GET3: variants seen among roughly 807,000 people sequenced by gnomAD.
GET3 encodes guided entry of tail-anchored proteins factor 3, ATPase.
Under a neutral mutation model 32.4 loss-of-function variants are expected in GET3, and 15 were observed. That is an observed-to-expected ratio of 0.46 (90% CI 0.31 to 0.71). The LOEUF (loss-of-function observed/expected upper bound fraction) is 0.71, where lower values mean the gene tolerates loss of function less well. Ranked by LOEUF, GET3 falls within the 30% of genes least tolerant of loss-of-function variation. The pLI, the probability that GET3 is intolerant of heterozygous loss-of-function variation, is 0.05. For missense variants in GET3, 333 were observed against 459.0 expected (o/e 0.73, Z 2.51); for synonymous variants, 198 against 185.6 (o/e 1.07, Z -0.54).
Position 12,737,580 on chromosome 19 carries a change from G to A in GET3, c.75G>A (p.Glu25=), listed in dbSNP as rs770436336. The stretch of plus-strand genomic sequence containing the variant: ...ATGCTCCTGATGTGGAGCCGCTGGA[G>A]CCTACACTTAGCAACATCATCGAGC... ...FEDAPDVEPL[E]PTLSNIIEQR... The change falls in exon 1 of 7, where the codon GAG becomes GAA. Residue 25 remains glutamate (E), a synonymous_variant. Coordinates refer to ENST00000357332, the MANE Select transcript of GET3 (RefSeq NM_004317.4). 1 of 1,612,058 alleles carries A rather than the reference G, an allele frequency of 6.2e-7. No homozygotes were observed. Among genetic ancestry groups the A allele is most frequent in the Non-Finnish European group, 8.5e-7 (1 of 1,179,326 alleles).
Position 12,748,314 on chromosome 19 carries a change from C to T in GET3, c.*210C>T. 1 of 483,810 alleles carries T rather than the reference C, an allele frequency of 2.1e-6. No individual in the cohort carries two copies. Among genetic ancestry groups the T allele is most frequent in the Non-Finnish European group, 3.7e-6 (1 of 271,500 alleles). The allele number at this position is 483,810 out of a possible 1,614,324, so 30.0% of individuals were successfully genotyped here. A position where few individuals can be genotyped will look rare whatever the true frequency, so the allele number is the denominator to read the frequency against. On this transcript the variant is annotated 3_prime_UTR_variant, in exon 7 of 7. Transcript: ENST00000357332. ...ACCTCTTGCTCTTCAATAAAATGAT[C>T]TTAAACTGCTGTATTGTTGACATTG...
intron 1 of GET3, 52 bp from the exon 2 acceptor site, chr19:12,738,459 G>A (rs1454220884): frequency 1.2e-6 from 2 of 1,604,840 alleles, no homozygotes; most frequent in Non-Finnish European, 1.7e-6. Flanking sequence ...GCAGACCCAG[G>A]GAACAGAGCC....
At chr19:12,740,471 CTG>C (rs1257355554) in intron 2 of GET3, among the ~76,000 whole-genome samples, 1 of 151,582 alleles carries the variant, frequency 6.6e-6, no homozygotes, top group African/African-American at 2.4e-5. Flanking sequence ...GGTCAAGAGA[CTG>C]AGACCATCTT....
chr19:12,740,582 C>T (rs1459161622), intron 2 of GET3, among the ~76,000 whole-genome samples: 1 of 152,058 alleles, frequency 6.6e-6, no homozygotes, highest in Non-Finnish European at 1.5e-5. Context: ...GAGGCTGAGG[C>T]AGGAGAATGG....
At position 12,747,150 on chromosome 19, in the gene GET3, G is replaced by T; in HGVS notation, c.610-47G>T. ...GGTGTTTAGTGAACCCCCAACCCAG[G>T]AGGTCGCCGCAGGTAAGCTATGAGC... is the stretch of plus-strand genomic sequence containing the variant. On this transcript the variant is annotated intron_variant, in intron 4 of 6. Coordinates refer to ENST00000357332, the MANE Select transcript of GET3 (RefSeq NM_004317.4). The surrounding 1 kb of genome is among the most constrained non-coding windows in gnomAD (Gnocchi z 4.0). 6.6e-7 allele frequency: 1 copy of T among 1,507,192 alleles called. No individual in the cohort carries two copies. The highest frequency in any genetic ancestry group is 8.9e-7 in the Non-Finnish European group (1 of 1,122,196). The allele number at this position is 1,507,192 out of a possible 1,614,324, so 93.4% of individuals were successfully genotyped here. A position where few individuals can be genotyped will look rare whatever the true frequency, so the allele number is the denominator to read the frequency against.
At chr19:12,744,235 A>G (rs944183775) in intron 2 of GET3, among the ~76,000 whole-genome samples, 1 of 148,096 alleles carries the variant, frequency 6.8e-6, no homozygotes, top group Admixed American at 6.7e-5. Context: ...AAAAAAAAAA[A>G]GAGGGAGGCA....
At chr19:12,743,847 A>T (rs1259264296) in intron 2 of GET3, among the ~76,000 whole-genome samples, 1 of 129,206 alleles carries the variant, frequency 7.7e-6, no homozygotes, top group East Asian at 2.7e-4. Context: ...CTCCTGCCTC[A>T]GCCTCCCAAG....
intron 2 of GET3, among the ~76,000 whole-genome samples, chr19:12,740,940 G>A (rs559313185): frequency 6.6e-6 from 1 of 152,310 alleles, no homozygotes; most frequent in Admixed American, 6.5e-5. Flanking sequence ...TTTGAGGAGG[G>A]AGAAAATACC....
Position 12,747,514 on chromosome 19 carries a change from G to C in GET3, c.837G>C (p.Gln279His). Residue 279 changes from glutamine (Q) to histidine (H), a missense_variant, in exon 6 of 7, where the codon CAG (glutamine) becomes CAC (histidine). By Grantham distance (24) the Gln-to-His change is conservative (BLOSUM62 0). Coordinates refer to ENST00000357332, the MANE Select transcript of GET3 (RefSeq NM_004317.4). The surrounding 1 kb of genome is among the most constrained non-coding windows in gnomAD (Gnocchi z 4.0). ...KIDTHNIIVN[Q>H]LVFPDPEKPC... ...ACACACACAATATAATTGTCAACCAGCTCGTCTTCCCCGACCCCGAGAAGC... is the reference window on the plus strand; with the variant it reads ...ACACACACAATATAATTGTCAACCACCTCGTCTTCCCCGACCCCGAGAAGC... 1 of 1,613,994 alleles carries C rather than the reference G, an allele frequency of 6.2e-7. No homozygotes were observed. The highest frequency in any genetic ancestry group is 8.5e-7 in the Non-Finnish European group (1 of 1,180,002).
rs1336467661 is a variant in GET3, at chr19:12,747,231, C to A, written c.644C>A (p.Ala215Glu). Residue 215 changes from alanine (A) to glutamate (E), a missense_variant, in exon 5 of 7, where the codon GCA becomes GAA. By Grantham distance (107) the Ala-to-Glu change is moderately radical. This residue lies in a region of GET3 where 230 missense variants were observed against 389.2 expected (regional missense o/e 0.59). Transcript: ENST00000357332. The surrounding 1 kb of genome is among the most constrained non-coding windows in gnomAD (Gnocchi z 4.0). ...ATGCTGGGCCTGGGGGACATGAACG[C>A]AGACCAGCTGGCCTCCAAGCTGGAG... ...CNMLGLGDMNADQLASKLEET... is the reference protein window; with the variant it reads ...CNMLGLGDMNEDQLASKLEET... The A allele has an allele frequency of 1.2e-6, 2 of 1,611,450 alleles. No homozygotes were observed. Among genetic ancestry groups the A allele is most frequent in the Non-Finnish European group, 1.7e-6 (2 of 1,178,572 alleles).
chr19:12,738,652 T>C lies in GET3; in HGVS notation c.303T>C (p.Phe101=), dbSNP rs546771401. ...AGGTCAAAGGCTATGACAACCTCTT[T>C]GCTATGGTGAGTGGAACAGGGCTTA... is the stretch of plus-strand genomic sequence containing the variant. ...PTKVKGYDNL[F]AMEIDPSLGV... Residue 101 remains phenylalanine (F), a synonymous_variant, in exon 2 of 7, where the codon TTT becomes TTC. Coordinates refer to ENST00000357332, the MANE Select transcript of GET3 (RefSeq NM_004317.4). The C allele has an allele frequency of 1.2e-6, 2 of 1,614,068 alleles. No individual in the cohort carries two copies. Among genetic ancestry groups the C allele is most frequent in the South Asian group, 1.1e-5 (1 of 91,088 alleles).
At position 12,747,011 on chromosome 19, in the gene GET3, A is replaced by G. The variant is rs956061570; in HGVS notation, c.610-186A>G. Among the ~76,000 whole-genome samples, 5 of 146,722 alleles carry G rather than the reference A, an allele frequency of 3.4e-5. No individual in the cohort carries two copies. The highest frequency in any genetic ancestry group is 1.5e-5 in the Non-Finnish European group (1 of 66,378). ...GGCAACAGAGTGAGACTCCATTTCAAAAAAAAAAAAAAAAGAAAGAAAGAA... is the reference window on the plus strand; with the variant it reads ...GGCAACAGAGTGAGACTCCATTTCAGAAAAAAAAAAAAAAGAAAGAAAGAA... On this transcript the variant is annotated intron_variant, in intron 4 of 6. Transcript: ENST00000357332. This position sits in a 1 kb window ranked among gnomAD's most constrained non-coding sequence, Gnocchi z 4.0.
At position 12,738,625 on chromosome 19, in the gene GET3, C is replaced by T; in HGVS notation, c.276C>T (p.Thr92=). The change falls in exon 2 of 7, where the codon ACC becomes ACT. Residue 92 remains threonine (T), a synonymous_variant. Coordinates refer to ENST00000357332, the MANE Select transcript of GET3 (RefSeq NM_004317.4). The part of the protein sequence containing the change: ...AFDQKFSKVP[T]KVKGYDNLFA... ...ACCAGAAGTTCTCAAAGGTGCCTAC[C>T]AAGGTCAAAGGCTATGACAACCTCT... 6.2e-7 allele frequency: 1 copy of T among 1,614,194 alleles called. No individual in the cohort carries two copies. Among genetic ancestry groups the T allele is most frequent in the South Asian group, 1.1e-5 (1 of 91,082 alleles).
rs1254505005 is a variant in GET3, at chr19:12,747,881, G to A, written c.916-92G>A. ...CTATATTCTCTCCCTGACTCTGGAA[G>A]CTTTCTAGCTTTACCGCTTCTATTG... On this transcript the variant is annotated intron_variant, in intron 6 of 6. Transcript: ENST00000357332. This position sits in a 1 kb window ranked among gnomAD's most constrained non-coding sequence, Gnocchi z 4.0. 8 of 1,359,186 alleles carry A rather than the reference G, an allele frequency of 5.9e-6. No individual in the cohort carries two copies. The highest frequency in any genetic ancestry group is 6.1e-6 in the Non-Finnish European group (6 of 990,518). The allele number at this position is 1,359,186 out of a possible 1,614,324, so 84.2% of individuals were successfully genotyped here. A position where few individuals can be genotyped will look rare whatever the true frequency, so the allele number is the denominator to read the frequency against.
chr19:12,747,347 G>T lies in GET3; in HGVS notation c.717+43G>T. ...TGGCGGTGAGAGGCCCGGGGGCTGA[G>T]GACAGGGGCAGACCCCGCCCCTCAC... On this transcript the variant is annotated intron_variant, in intron 5 of 6. Transcript: ENST00000357332. The surrounding 1 kb of genome is among the most constrained non-coding windows in gnomAD (Gnocchi z 4.0). The T allele has an allele frequency of 6.2e-7, 1 of 1,611,654 alleles. No individual in the cohort carries two copies. The highest frequency in any genetic ancestry group is 8.5e-7 in the Non-Finnish European group (1 of 1,178,046).
chr19:12,738,789 A>G (rs1431925307), intron 2 of GET3, 131 bp downstream of exon 2: 17 of 1,228,108 alleles, frequency 1.4e-5, no homozygotes, highest in Non-Finnish European at 1.9e-5. Context: ...CTCCTTCCTC[A>G]ACATACTCAC....
Position 12,748,064 on chromosome 19 carries a change from CCCT to C in GET3, c.1014_1016del (p.Leu339del), listed in dbSNP as rs1308695850. Reference sequence around the variant, plus strand: ...GCAGACAAGGTCAACACCTTCTCGGCCCTCCTCCTGGAGCCCTACAAGCCCCCC... The same window carrying C: ...GCAGACAAGGTCAACACCTTCTCGGCCCTCCTGGAGCCCTACAAGCCCCCC... On this transcript the variant is annotated inframe_deletion, in exon 7 of 7. Transcript: ENST00000357332. The C allele has an allele frequency of 1.2e-6, 2 of 1,611,114 alleles. No homozygotes were observed. The highest frequency in any genetic ancestry group is 1.1e-5 in the South Asian group (1 of 90,802).
chr19:12,747,735 C>A lies in GET3; in HGVS notation c.915+143C>A. On this transcript the variant is annotated intron_variant, in intron 6 of 6. Transcript: ENST00000357332. This position sits in a 1 kb window ranked among gnomAD's most constrained non-coding sequence, Gnocchi z 4.0. ...TTCAGATCCTTCACCCTTATTCCGG[C>A]CATAGAGGACTGTGGCTGGCCTGGC... 8.2e-7 allele frequency: 1 copy of A among 1,224,040 alleles called. No individual in the cohort carries two copies. The highest frequency in any genetic ancestry group is 1.1e-6 in the Non-Finnish European group (1 of 886,136). The allele number at this position is 1,224,040 out of a possible 1,614,324, so 75.8% of individuals were successfully genotyped here.
At position 12,748,052 on chromosome 19, in the gene GET3, A is replaced by G. The variant is rs8177499; in HGVS notation, c.995A>G (p.Asn332Ser). The change falls in exon 7 of 7, where the codon AAC becomes AGC. Residue 332 changes from asparagine to serine, a missense_variant. This residue lies in a region of GET3 where 39 missense variants were observed against 33.0 expected (regional missense o/e 1.18). Coordinates refer to ENST00000357332, the MANE Select transcript of GET3 (RefSeq NM_004317.4). ...GAGGTGCGGGGGGCAGACAAGGTCA[A>G]CACCTTCTCGGCCCTCCTCCTGGAG... is the stretch of plus-strand genomic sequence containing the variant. ...PHEVRGADKV[N>S]TFSALLLEPY... 9.5e-5 allele frequency: 153 copies of G among 1,611,910 alleles called. No homozygotes were observed. Among genetic ancestry groups the G allele is most frequent in the Non-Finnish European group, 1.2e-4 (146 of 1,178,572 alleles).
Sources: gnomAD v4.1 joint callset for allele counts (sites outside exome capture counted in the v4.1 genomes callset) on GRCh38, gnomAD v4.1.1 for gene constraint, gnomAD v4.1.1 regional missense constraint, Gnocchi (gnomAD v3.1) non-coding constraint, MANE v1.5 for transcripts, NCBI Gene and HGNC (gene_info 2026-07-23, HGNC 2026-07-21) for gene names.